The following TASOR2 variants were observed in gnomAD, a reference collection of about 807,000 sequenced individuals.
The protein encoded by TASOR2 is transcription activation suppressor family member 2.
TASOR2 carries 84 observed loss-of-function variants against 199.5 expected under a neutral mutation model. That is an observed-to-expected ratio of 0.42 (90% CI 0.35 to 0.50). The LOEUF is 0.50. Ranked by LOEUF, TASOR2 falls within the 20% of genes least tolerant of loss-of-function variation. The pLI is 0.02. For missense variants in TASOR2, 2,796 were observed against 2,835.9 expected (o/e 0.99, Z 0.32); for synonymous variants, 1,103 against 1,046.6 (o/e 1.05, Z -1.04).
rs1417642426 is a variant in TASOR2 at position 5,685,627 on chromosome 10, G to A, written c.-288+452G>A. On this transcript the variant is annotated intron_variant, in intron 1 of 20. Coordinates refer to ENST00000328090, the Ensembl canonical transcript of TASOR2. The surrounding 1 kb of genome is among the most constrained non-coding windows in gnomAD (Gnocchi z 5.4). ...ACCTTTTCTTTTTAGGGTAAAACAG[G>A]TCTCTCCGAAGGGAGGGTCATTTCA... 6.6e-6 allele frequency among the ~76,000 whole-genome samples: 1 copy of A among 152,174 alleles called. No homozygotes were observed.
At chr10:5,700,845 G>A (rs1410185831) in intron 1 of TASOR2, among the ~76,000 whole-genome samples, 1 of 151,678 alleles carries the variant, frequency 6.6e-6, no homozygotes, top group Admixed American at 6.6e-5. Flanking sequence ...CTTCCTTGCT[G>A]TTGAGTTGTT....
rs929646433 is a variant in TASOR2, at chr10:5,745,205, A to G, written c.2758-974A>G. 3.3e-5 allele frequency among the ~76,000 whole-genome samples: 5 copies of G among 152,182 alleles called. No individual in the cohort carries two copies. The East Asian group carries it at 9.6e-4, about 29-fold the overall frequency. ...ATGTTTAACCTAAATCCTGCTTGCT[A>G]CTGTTTAAATCAGTGCCTTTAGTTC... On this transcript the variant is annotated intron_variant, in intron 14 of 20. Coordinates refer to ENST00000328090, the Ensembl canonical transcript of TASOR2.
In TASOR2 at chr10:5,742,432, T is replaced by C. The variant is rs370741168; in HGVS notation, c.2663T>C (p.Leu888Pro). Reference sequence around the variant, plus strand: ...ACACCACTTACCCAAGGCTTGGAACTCTGTGTACAAAATGAACAGAAAAAA... The same window carrying C: ...ACACCACTTACCCAAGGCTTGGAACCCTGTGTACAAAATGAACAGAAAAAA... Residue 888 changes from leucine to proline, a missense_variant, in exon 14 of 21, where the codon CTC (leucine) becomes CCC (proline). This residue lies in a region of TASOR2 where 1,941 missense variants were observed against 1,924.9 expected (regional missense o/e 1.01). Coordinates refer to ENST00000328090, the Ensembl canonical transcript of TASOR2. The surrounding 1 kb of genome is among the most constrained non-coding windows in gnomAD (Gnocchi z 4.2). 2 of 1,614,020 alleles carry C rather than the reference T, an allele frequency of 1.2e-6. No individual in the cohort carries two copies. Among genetic ancestry groups the C allele is most frequent in the Middle Eastern group, 1.6e-4 (1 of 6,084 alleles).
rs1423774233 is a variant in TASOR2 at position 5,754,226 on chromosome 10, A to C, written c.6607-2387A>C. Among the ~76,000 whole-genome samples, 1 of 152,066 alleles carries C rather than the reference A, an allele frequency of 6.6e-6. No homozygotes were observed. Among genetic ancestry groups the C allele is most frequent in the African/African-American group, 2.4e-5 (1 of 41,406 alleles). ...GGCAGGAGAATCACTTGAACCCAGG[A>C]TGTGGAGGTTGTAGTAAGCCACTGT... On this transcript the variant is annotated intron_variant, in intron 15 of 20. Coordinates refer to ENST00000328090, the Ensembl canonical transcript of TASOR2. The surrounding 1 kb of genome is among the most constrained non-coding windows in gnomAD (Gnocchi z 4.3).
At chr10:5,729,066 T>C (rs1834440876) in intron 10 of TASOR2, among the ~76,000 whole-genome samples, 1 of 151,982 alleles carries the variant, frequency 6.6e-6, no homozygotes, top group African/African-American at 2.4e-5. Context: ...AGAAAAAGAG[T>C]GGCCGGGCAT....
intron 15 of TASOR2, among the ~76,000 whole-genome samples, chr10:5,755,518 G>T (rs769313500): frequency 2.0e-5 from 3 of 152,008 alleles, no homozygotes; most frequent in African/African-American, 7.2e-5. Flanking sequence ...GGGTTGCAGT[G>T]AGCCGAGATT....
exon 15 of TASOR2, chr10:5,749,037 C>G: frequency 6.2e-7 from 1 of 1,614,114 alleles, no homozygotes; most frequent in Non-Finnish European, 8.5e-7. Context: ...CGTTGAACTT[C>G]CACAACAACA....
Position 5,718,909 on chromosome 10 carries a change from A to G in TASOR2, c.-100+1159A>G, listed in dbSNP as rs965681312. Among the ~76,000 whole-genome samples, 93 of 152,100 alleles carry G rather than the reference A, an allele frequency of 6.1e-4. 3 individuals carry two copies. The highest frequency in any genetic ancestry group is 1.5e-5 in the Non-Finnish European group (1 of 68,010). On this transcript the variant is annotated intron_variant, in intron 3 of 20. Coordinates refer to ENST00000328090, the Ensembl canonical transcript of TASOR2. The stretch of plus-strand genomic sequence containing the variant: ...GCAGATAATAAGCATTTCGTTTTTT[A>G]CTTAGATTATGCCTCAGCCTTGATT...
In TASOR2 at chr10:5,752,708, A is replaced by G. The variant is rs1260093834; in HGVS notation, c.6606+2681A>G. Among the ~76,000 whole-genome samples the G allele has an allele frequency of 3.3e-5, 5 of 152,200 alleles. No homozygotes were observed. The highest frequency in any genetic ancestry group is 1.2e-4 in the African/African-American group (5 of 41,446). On this transcript the variant is annotated intron_variant, in intron 15 of 20. Transcript: ENST00000328090. The surrounding 1 kb of genome is among the most constrained non-coding windows in gnomAD (Gnocchi z 4.4). Reference sequence around the variant, plus strand: ...CACTGCAGAAACCACAGAGCTGCATAAAGATTTCTTGGTCTGCCCTGCTCT... The same window carrying G: ...CACTGCAGAAACCACAGAGCTGCATGAAGATTTCTTGGTCTGCCCTGCTCT...
chr10:5,727,765 C>T (rs558850195), intron 10 of TASOR2, among the ~76,000 whole-genome samples: 1 of 152,294 alleles, frequency 6.6e-6, no homozygotes, highest in East Asian at 1.9e-4. Flanking sequence ...CCCGTCAACA[C>T]TCTTTGCTCA....
At chr10:5,762,743 G>A in intron 20 of TASOR2, 97 bp downstream of exon 21, 2 of 732,640 alleles carry the variant, frequency 2.7e-6, no homozygotes, top group Non-Finnish European at 4.7e-6. Flanking sequence ...GGAAACTGTT[G>A]TTTACATACT....
At chr10:5,708,457 A>T (rs965389830) in intron 1 of TASOR2, among the ~76,000 whole-genome samples, 1 of 151,966 alleles carries the variant, frequency 6.6e-6, no homozygotes, top group East Asian at 1.9e-4. Context: ...ATACTCCTAC[A>T]CATTTATAGT....
rs1235552126 is a variant in TASOR2, at chr10:5,708,946, C to T, written c.-287-3877C>T. Among the ~76,000 whole-genome samples, 3 of 152,080 alleles carry T rather than the reference C, an allele frequency of 2.0e-5. No individual in the cohort carries two copies. In the East Asian group the frequency reaches 5.8e-4, roughly 29 times the overall value. On this transcript the variant is annotated intron_variant, in intron 1 of 20. Transcript: ENST00000328090. ...CAAGCTCCTGAGTTCAAACAATCTG[C>T]CTGCCTTAGCTTCCCGGCGTGCTGG...
At chr10:5,749,610 G>A (rs780533491) in exon 15 of TASOR2, 1 of 1,614,086 alleles carries the variant, frequency 6.2e-7, no homozygotes, top group South Asian at 1.1e-5. Context: ...CCAGCAGTCT[G>A]GACAGCTCTT....
intron 2 of TASOR2, among the ~76,000 whole-genome samples, chr10:5,714,836 A>G (rs2131555226): frequency 6.6e-6 from 1 of 152,292 alleles, no homozygotes; most frequent in African/African-American, 2.4e-5. Context: ...AAAAAGTGAG[A>G]TTTTCATAAG....
Position 5,687,250 on chromosome 10 carries a change from A to T in TASOR2, c.-288+2075A>T, listed in dbSNP as rs1259598240. ...ACCTTTTGTGTGTTTCTACCCCAGGAGGAATGCGTTCCCTGCCCCCCGTTA... is the reference window on the plus strand; with the variant it reads ...ACCTTTTGTGTGTTTCTACCCCAGGTGGAATGCGTTCCCTGCCCCCCGTTA... On this transcript the variant is annotated intron_variant, in intron 1 of 20. Transcript: ENST00000328090. This position sits in a 1 kb window ranked among gnomAD's most constrained non-coding sequence, Gnocchi z 4.8. 6.6e-6 allele frequency among the ~76,000 whole-genome samples: 1 copy of T among 152,230 alleles called. No homozygotes were observed. Among genetic ancestry groups the T allele is most frequent in the African/African-American group, 2.4e-5 (1 of 41,464 alleles).
At chr10:5,709,008 G>A (rs1831572525) in intron 1 of TASOR2, among the ~76,000 whole-genome samples, 1 of 152,066 alleles carries the variant, frequency 6.6e-6, no homozygotes, top group Admixed American at 6.6e-5. Flanking sequence ...AGCCTAATCT[G>A]AACTTTTTTA....
intron 2 of TASOR2, chr10:5,713,893 T>C (rs1451594165): frequency 7.0e-6 from 2 of 287,008 alleles, no homozygotes; most frequent in Middle Eastern, 9.5e-4. Context: ...GAGCAGACTA[T>C]TTATTTTAAA....
intron 7 of TASOR2, among the ~76,000 whole-genome samples, chr10:5,724,130 G>A (rs961287996): frequency 3.3e-5 from 5 of 152,192 alleles, no homozygotes; most frequent in African/African-American, 1.2e-4. Context: ...GAAAAACCAT[G>A]AGAAGGAAAT....
Sources: allele counts gnomAD v4.1 joint callset (sites outside exome capture counted in the v4.1 genomes callset), GRCh38; gene constraint gnomAD v4.1.1; regional missense constraint gnomAD v4.1.1; non-coding constraint Gnocchi (gnomAD v3.1); transcripts MANE v1.5; gene names NCBI Gene and HGNC (gene_info 2026-07-23, HGNC 2026-07-21).